The following GUCY1A2 variants were observed in gnomAD, a reference collection of about 807,000 sequenced individuals.
GUCY1A2 encodes the protein guanylate cyclase soluble subunit alpha-2.
In GUCY1A2, 27 loss-of-function variants were observed where a neutral mutation model predicts 63.5. The observed-to-expected ratio is 0.43, with a 90% CI of 0.31 to 0.59. The LOEUF is 0.59. Among genes scored for constraint, GUCY1A2 ranks in the 20% least tolerant of loss-of-function variants. The pLI is 0.11. For missense variants in GUCY1A2, 768 were observed against 913.3 expected (o/e 0.84, Z 2.05); for synonymous variants, 364 against 343.5 (o/e 1.06, Z -0.66).
Position 106,799,843 on chromosome 11 carries a change from T to C in GUCY1A2, c.1692+10150A>G, listed in dbSNP as rs193243408. ...GACATAGGCATGGGCAAGGACTTCA[T>C]GTCTAAAACACCAAAAGCTATGGCA... On this transcript the variant is annotated intron_variant, in intron 5 of 7. Coordinates refer to ENST00000526355, the MANE Select transcript of GUCY1A2 (RefSeq NM_000855.3). Among the ~76,000 whole-genome samples, 491 of 152,314 alleles carry C rather than the reference T, an allele frequency of 3.2e-3. 2 individuals are homozygous for C. Among genetic ancestry groups the C allele is most frequent in the African/African-American group, 0.011 (456 of 41,570 alleles).
intron 6 of GUCY1A2, among the ~76,000 whole-genome samples, chr11:106,758,397 A>C (rs1864009598): frequency 6.6e-6 from 1 of 151,792 alleles, no homozygotes; most frequent in Non-Finnish European, 1.5e-5. Flanking sequence ...CCCAGTATAG[A>C]CTCTCATGGC....
chr11:106,896,008 CAA>C (rs780891598), intron 4 of GUCY1A2, among the ~76,000 whole-genome samples: 14 of 113,658 alleles, frequency 1.2e-4, no homozygotes, highest in Admixed American at 3.6e-4. Context: ...GACTCTGTCT[CAA>C]AAAAAAAAAA....
At chr11:106,965,046 C>T (rs1488449605) in intron 3 of GUCY1A2, among the ~76,000 whole-genome samples, 1 of 151,456 alleles carries the variant, frequency 6.6e-6, no homozygotes, top group African/African-American at 2.4e-5. Flanking sequence ...TACCATGTAG[C>T]AGTATATACT....
intron 4 of GUCY1A2, among the ~76,000 whole-genome samples, chr11:106,839,217 A>G (rs1591297398): frequency 6.6e-6 from 1 of 151,948 alleles, no homozygotes; most frequent in Admixed American, 6.6e-5. Context: ...TCCCAGCACC[A>G]TTTGTTAAAT....
intron 4 of GUCY1A2, among the ~76,000 whole-genome samples, chr11:106,905,510 C>T (rs992935466): frequency 6.6e-6 from 1 of 152,094 alleles, no homozygotes; most frequent in African/African-American, 2.4e-5. Context: ...AATACAGTTA[C>T]ATGAAGGGTA....
intron 3 of GUCY1A2, among the ~76,000 whole-genome samples, chr11:106,958,198 A>C (rs1440765378): frequency 6.6e-6 from 1 of 152,170 alleles, no homozygotes. Context: ...TGAATACACC[A>C]TTTAGTATAA....
chr11:106,961,943 T>C (rs566055789), intron 3 of GUCY1A2, among the ~76,000 whole-genome samples: 1 of 152,342 alleles, frequency 6.6e-6, no homozygotes, highest in South Asian at 2.1e-4. Context: ...TAGACTTCAA[T>C]TCTGCTGTCT....
At chr11:106,988,692 T>G (rs1691930871) in intron 1 of GUCY1A2, among the ~76,000 whole-genome samples, 1 of 152,224 alleles carries the variant, frequency 6.6e-6, no homozygotes, top group Non-Finnish European at 1.5e-5. Context: ...TCCTATTTCT[T>G]GCCAAAGTGG....
At chr11:106,687,843 A>C in intron 7 of GUCY1A2, 87 bp from the exon 8 acceptor site, 1 of 849,610 alleles carries the variant, frequency 1.2e-6, no homozygotes. Flanking sequence ...CAGGAAGCCT[A>C]TCTCTGACTG....
At chr11:106,973,833 T>C (rs1861227732) in intron 3 of GUCY1A2, among the ~76,000 whole-genome samples, 1 of 152,130 alleles carries the variant, frequency 6.6e-6, no homozygotes, top group Non-Finnish European at 1.5e-5. Flanking sequence ...GAATACTCAA[T>C]AATAATAAAA....
intron 3 of GUCY1A2, among the ~76,000 whole-genome samples, chr11:106,941,888 T>C (rs1389774527): frequency 6.6e-6 from 1 of 152,182 alleles, no homozygotes; most frequent in Non-Finnish European, 1.5e-5. Context: ...GCATTTCATA[T>C]TCATTTTGGT....
At position 106,953,928 on chromosome 11, in the gene GUCY1A2, A is replaced by G. The variant is rs1591341624; in HGVS notation, c.488-13750T>C. ...TCTTCTCTCTCTTATTAGTCTAGCT[A>G]TTGGTCTATCTATTTTGTTAATTTT... is the stretch of plus-strand genomic sequence containing the variant. On this transcript the variant is annotated intron_variant, in intron 3 of 7. Coordinates refer to ENST00000526355, the MANE Select transcript of GUCY1A2 (RefSeq NM_000855.3). 3.9e-5 allele frequency among the ~76,000 whole-genome samples: 6 copies of G among 151,952 alleles called. No individual in the cohort carries two copies. In the South Asian group the frequency reaches 1.2e-3, roughly 32 times the overall value.
At chr11:106,912,203 CT>C (rs905875808) in intron 4 of GUCY1A2, among the ~76,000 whole-genome samples, 16 of 151,232 alleles carry the variant, frequency 1.1e-4, no homozygotes, top group East Asian at 7.8e-4. Flanking sequence ...CAACTCCCAT[CT>C]TTTTTTTTAA....
rs762661153 is a variant in GUCY1A2 at position 107,017,852 on chromosome 11, G to A, written c.204C>T (p.Ala68=). 6.4e-6 allele frequency: 8 copies of A among 1,255,906 alleles called. No individual in the cohort carries two copies. Among genetic ancestry groups the A allele is most frequent in the African/African-American group, 1.5e-5 (1 of 64,550 alleles). The allele number at this position is 1,255,906 out of a possible 1,614,324, so 77.8% of individuals were successfully genotyped here. Residue 68 remains alanine, a synonymous_variant, in exon 1 of 8, where the codon GCC becomes GCT. Coordinates refer to ENST00000526355, the MANE Select transcript of GUCY1A2 (RefSeq NM_000855.3). Reference sequence around the variant, plus strand: ...TGGCCCCGGCAGTGGCAGCGGCGGCGGCGGCAGAAGCAGCCGGGGTCGGGG... The same window carrying A: ...TGGCCCCGGCAGTGGCAGCGGCGGCAGCGGCAGAAGCAGCCGGGGTCGGGG... ...APAPTPAASA[A]AAAATAGARR...
At chr11:107,005,205 C>T (rs1408232074) in intron 1 of GUCY1A2, among the ~76,000 whole-genome samples, 1 of 152,152 alleles carries the variant, frequency 6.6e-6, no homozygotes, top group African/African-American at 2.4e-5. Context: ...GAATAAGGGG[C>T]AGAGACAGAC....
chr11:106,837,682 T>C (rs1399719175), intron 4 of GUCY1A2, among the ~76,000 whole-genome samples: 1 of 151,958 alleles, frequency 6.6e-6, no homozygotes, highest in African/African-American at 2.4e-5. Flanking sequence ...CCAATGTATT[T>C]ATTGAAAAAA....
intron 6 of GUCY1A2, among the ~76,000 whole-genome samples, chr11:106,748,687 A>C (rs1863832607): frequency 6.6e-6 from 1 of 152,148 alleles, no homozygotes; most frequent in Non-Finnish European, 1.5e-5. Flanking sequence ...TTATTTCTAA[A>C]CATCTCACTG....
At chr11:106,824,090 T>C (rs1403211181) in intron 4 of GUCY1A2, 67 of 1,498,730 alleles carry the variant, frequency 4.5e-5, no homozygotes, top group Non-Finnish European at 6.1e-5. Flanking sequence ...CTACCATTTC[T>C]TATTTGAAAA....
At chr11:106,910,339 G>T (rs1860276235) in intron 4 of GUCY1A2, among the ~76,000 whole-genome samples, 1 of 151,862 alleles carries the variant, frequency 6.6e-6, no homozygotes, top group African/African-American at 2.4e-5. Context: ...CATCCCCTTG[G>T]CTATGTGATT....
Sources: gnomAD v4.1 joint callset for allele counts (sites outside exome capture counted in the v4.1 genomes callset) on GRCh38, gnomAD v4.1.1 for gene constraint, MANE v1.5 for transcripts, NCBI Gene and HGNC (gene_info 2026-07-23, HGNC 2026-07-21) for gene names.